Variants in ANXA3 observed in about 807,000 individuals in gnomAD.
The protein encoded by ANXA3 is annexin A3.
In ANXA3, 46 loss-of-function variants were observed where a neutral mutation model predicts 48.8. The observed-to-expected ratio is 0.94, with a 90% CI of 0.74 to 1.21. ANXA3 has a LOEUF of 1.21. Ranked by LOEUF, ANXA3 falls within the 50% of genes most tolerant of loss-of-function variation. The pLI is 0.00. For missense variants in ANXA3, 383 were observed against 378.6 expected (o/e 1.01, Z -0.10); for synonymous variants, 128 against 134.7 (o/e 0.95, Z 0.35).
Position 78,573,335 on chromosome 4 carries a change from C to A in ANXA3, c.103+68C>A, listed in dbSNP as rs921445675. ...TCAGGCAAGTTACAATCTAAAAGTT[C>A]AGTTTGCTCAGATTGGCTTACTCAA... On this transcript the variant is annotated intron_variant, in intron 3 of 12. Coordinates refer to ENST00000264908, the MANE Select transcript of ANXA3 (RefSeq NM_005139.3). 3.4e-6 allele frequency: 4 copies of A among 1,188,242 alleles called. No individual in the cohort carries two copies. The African/African-American group carries it at 4.5e-5, about 14-fold the overall frequency. The allele number at this position is 1,188,242 out of a possible 1,614,324, so 73.6% of individuals were successfully genotyped here.
At position 78,595,361 on chromosome 4, in the gene ANXA3, GT is replaced by G; in HGVS notation, c.484-16del. The G allele has an allele frequency of 1.2e-6, 2 of 1,613,716 alleles. No homozygotes were observed. Among genetic ancestry groups the G allele is most frequent in the Non-Finnish European group, 1.7e-6 (2 of 1,179,710 alleles). Reference sequence around the variant, plus strand: ...CTTCTATCTTTAAAGGATGGCCCTTGTTTTCGTCCTCCTGTTTAGGGCAGAA... The same window carrying G: ...CTTCTATCTTTAAAGGATGGCCCTTGTTTCGTCCTCCTGTTTAGGGCAGAA... On this transcript the variant is annotated intron_variant, in intron 7 of 12. Transcript: ENST00000264908.
At chr4:78,574,326 A>AG (rs1294481562) in intron 3 of ANXA3, among the ~76,000 whole-genome samples, 1 of 152,106 alleles carries the variant, frequency 6.6e-6, no homozygotes, top group Non-Finnish European at 1.5e-5. Context: ...AGGCTGAGGT[A>AG]GGGGGATACT....
At chr4:78,593,107 C>T (rs998318832) in intron 7 of ANXA3, among the ~76,000 whole-genome samples, 1 of 113,170 alleles carries the variant, frequency 8.8e-6, no homozygotes, top group Non-Finnish European at 1.8e-5. Context: ...TACATGAACA[C>T]ACATACCACA....
chr4:78,600,835 T>G (rs1351437809), intron 10 of ANXA3, among the ~76,000 whole-genome samples: 1 of 152,208 alleles, frequency 6.6e-6, no homozygotes, highest in East Asian at 1.9e-4. Context: ...TATTTTCTTT[T>G]TATTTAAAAG....
At chr4:78,588,555 A>T (rs1723226014) in intron 6 of ANXA3, among the ~76,000 whole-genome samples, 1 of 152,214 alleles carries the variant, frequency 6.6e-6, no homozygotes, top group Admixed American at 6.5e-5. Flanking sequence ...TACCTGGCTG[A>T]TGTCGGGACC....
rs1044565589 is a variant in ANXA3, at chr4:78,560,620, A to G, written c.15+6132A>G. 2.0e-5 allele frequency among the ~76,000 whole-genome samples: 3 copies of G among 152,196 alleles called. No homozygotes were observed. In the South Asian group the frequency reaches 6.2e-4, roughly 32 times the overall value. ...GTAGACACGAATGATTGATTAAATTATTTGTTACATGATTGAACTCAATAT... is the reference window on the plus strand; with the variant it reads ...GTAGACACGAATGATTGATTAAATTGTTTGTTACATGATTGAACTCAATAT... On this transcript the variant is annotated intron_variant, in intron 2 of 12. Coordinates refer to ENST00000264908, the MANE Select transcript of ANXA3 (RefSeq NM_005139.3).
At chr4:78,562,105 C>G (rs1400770818) in intron 2 of ANXA3, among the ~76,000 whole-genome samples, 2 of 151,986 alleles carry the variant, frequency 1.3e-5, no homozygotes, top group African/African-American at 4.8e-5. Context: ...ATTGGAAAAG[C>G]CTGGTAAATC....
chr4:78,590,385 A>G lies in ANXA3; in HGVS notation c.404-1159A>G, dbSNP rs13340224. ...AGACTTACTAAAATCATGCTGAAGA[A>G]GTTTCCATCTCAGCGCAGTTCTTGC... On this transcript the variant is annotated intron_variant, in intron 6 of 12. Coordinates refer to ENST00000264908, the MANE Select transcript of ANXA3 (RefSeq NM_005139.3). Among the ~76,000 whole-genome samples the G allele has an allele frequency of 9.4e-3, 1,437 of 152,346 alleles. 25 individuals are homozygous for G. Among genetic ancestry groups the G allele is most frequent in the African/African-American group, 0.033 (1,380 of 41,572 alleles).
chr4:78,579,139 T>A lies in ANXA3; in HGVS notation c.198+18T>A. 1 of 1,549,220 alleles carries A rather than the reference T, an allele frequency of 6.5e-7. No homozygotes were observed. The highest frequency in any genetic ancestry group is 8.9e-7 in the Non-Finnish European group (1 of 1,123,512). On this transcript the variant is annotated intron_variant, in intron 4 of 12. Coordinates refer to ENST00000264908, the MANE Select transcript of ANXA3 (RefSeq NM_005139.3). ...ATGGAAAGGTAAGGTCACATTAACA[T>A]GACAGGCAGTAAAGAGATCATTAAT...
intron 3 of ANXA3, among the ~76,000 whole-genome samples, chr4:78,576,486 A>G (rs1722957009): frequency 6.6e-6 from 1 of 152,120 alleles, no homozygotes; most frequent in East Asian, 1.9e-4. Context: ...CTGTAGTGAC[A>G]GGGTCTTGCT....
intron 12 of ANXA3, 116 bp from the exon 13 acceptor site, chr4:78,609,940 G>T: frequency 1.7e-6 from 1 of 594,590 alleles, no homozygotes; most frequent in Non-Finnish European, 2.9e-6. Context: ...TTACTAAATG[G>T]TATAGCTCAT....
At chr4:78,581,325 AC>A (rs1454572916) in intron 4 of ANXA3, among the ~76,000 whole-genome samples, 1 of 152,118 alleles carries the variant, frequency 6.6e-6, no homozygotes, top group Admixed American at 6.5e-5. Flanking sequence ...AAACCCTGTT[AC>A]CCCCCTTTAA....
chr4:78,563,360 G>A (rs895145945), intron 2 of ANXA3, among the ~76,000 whole-genome samples: 1 of 152,176 alleles, frequency 6.6e-6, no homozygotes, highest in Non-Finnish European at 1.5e-5. Context: ...CAAAGCCAGT[G>A]CTGTGGTCTA....
intron 7 of ANXA3, among the ~76,000 whole-genome samples, chr4:78,593,248 A>G (rs1486465701): frequency 2.0e-5 from 3 of 150,200 alleles, no homozygotes; most frequent in South Asian, 2.1e-4. Context: ...TGTCATCCAG[A>G]CTGGAGTGCT....
At chr4:78,566,467 T>G (rs1722733614) in intron 2 of ANXA3, among the ~76,000 whole-genome samples, 1 of 144,052 alleles carries the variant, frequency 6.9e-6, no homozygotes, top group African/African-American at 2.6e-5. Flanking sequence ...TACTATAGAA[T>G]ACTACTCAGC....
chr4:78,601,214 G>A (rs1427072567), intron 10 of ANXA3, among the ~76,000 whole-genome samples: 4 of 152,126 alleles, frequency 2.6e-5, no homozygotes, highest in Non-Finnish European at 2.9e-5. Context: ...GTAGGTGTTC[G>A]GGGTGTCTGG....
At chr4:78,602,686 T>G (rs1233907401) in intron 11 of ANXA3, 2 of 152,274 alleles carry the variant, frequency 1.3e-5, no homozygotes, top group Non-Finnish European at 2.9e-5. Flanking sequence ...CTCCATCTCT[T>G]TACCAGCCAT....
At chr4:78,594,612 A>T (rs1425337440) in intron 7 of ANXA3, among the ~76,000 whole-genome samples, 1 of 152,154 alleles carries the variant, frequency 6.6e-6, no homozygotes, top group Non-Finnish European at 1.5e-5. Context: ...TATTGTTTTA[A>T]TTTGTAATTA....
chr4:78,601,820 T>G, intron 11 of ANXA3: 1 of 352,278 alleles, frequency 2.8e-6, no homozygotes, highest in Non-Finnish European at 5.1e-6. Context: ...TGATTTCTAT[T>G]TAACTAAAAC....
Sources: gnomAD v4.1 joint callset for allele counts (sites outside exome capture counted in the v4.1 genomes callset) on GRCh38, gnomAD v4.1.1 for gene constraint, MANE v1.5 for transcripts, NCBI Gene and HGNC (gene_info 2026-07-23, HGNC 2026-07-21) for gene names.